The following PARD3B variants were observed in gnomAD, a reference collection of about 807,000 sequenced individuals.
PARD3B encodes the protein partitioning defective 3 homolog B.
Under a neutral mutation model 130.2 loss-of-function variants are expected in PARD3B, and 103 were observed. The observed-to-expected ratio is 0.79, with a 90% CI of 0.67 to 0.93. The LOEUF (loss-of-function observed/expected upper bound fraction) is 0.93, where lower values mean the gene tolerates loss of function less well. PARD3B is among the 40% of genes least tolerant of loss of function. The pLI is 0.00. For synonymous variants in PARD3B, 583 were observed against 553.2 expected, an observed-to-expected ratio of 1.05 and a Z score of -0.76; for missense variants, 1,609 against 1,499.2, an observed-to-expected ratio of 1.07 and a Z score of -1.21.
intron 16 of PARD3B, among the ~76,000 whole-genome samples, chr2:205,270,295 A>G (rs892830633): frequency 8.5e-5 from 13 of 152,136 alleles, no homozygotes; most frequent in African/African-American, 3.1e-4. Flanking sequence ...GTGGCTGGGC[A>G]TGGTGGCTCA....
At chr2:204,655,957 T>C (rs2035624795) in intron 1 of PARD3B, among the ~76,000 whole-genome samples, 1 of 152,084 alleles carries the variant, frequency 6.6e-6, no homozygotes, top group Non-Finnish European at 1.5e-5. Flanking sequence ...TGGTTTAGAA[T>C]AGATGCAGCT....
chr2:204,822,081 C>G (rs2043383211), intron 2 of PARD3B, among the ~76,000 whole-genome samples: 1 of 152,306 alleles, frequency 6.6e-6, no homozygotes, highest in Middle Eastern at 3.4e-3. Context: ...GGAAAGGATT[C>G]ACCATTCTAG....
At chr2:205,212,021 T>C (rs1324372282) in intron 15 of PARD3B, among the ~76,000 whole-genome samples, 1 of 152,136 alleles carries the variant, frequency 6.6e-6, no homozygotes, top group African/African-American at 2.4e-5. Context: ...AATTTTTTTA[T>C]TTTCAGCTTT....
At chr2:205,359,648 G>C (rs2044317933) in intron 18 of PARD3B, among the ~76,000 whole-genome samples, 1 of 152,192 alleles carries the variant, frequency 6.6e-6, no homozygotes, top group African/African-American at 2.4e-5. Flanking sequence ...GTAGATATAT[G>C]TAATTCACAG....
At chr2:205,519,112 C>CTGAGT (rs1332519685) in intron 21 of PARD3B, among the ~76,000 whole-genome samples, 1 of 152,124 alleles carries the variant, frequency 6.6e-6, no homozygotes, top group Non-Finnish European at 1.5e-5. Flanking sequence ...TCTGTATTTC[C>CTGAGT]TGAGTTTGAC....
chr2:205,004,471 C>G (rs1316660040), intron 3 of PARD3B, among the ~76,000 whole-genome samples: 2 of 152,092 alleles, frequency 1.3e-5, no homozygotes, highest in African/African-American at 4.8e-5. Context: ...CAGTAGTTAC[C>G]TTTCATAAAA....
At chr2:204,913,980 G>A (rs765587236) in intron 2 of PARD3B, among the ~76,000 whole-genome samples, 1 of 152,204 alleles carries the variant, frequency 6.6e-6, no homozygotes, top group Non-Finnish European at 1.5e-5. Flanking sequence ...TAGCTTTTGC[G>A]TGTGTGCCCT....
intron 1 of PARD3B, among the ~76,000 whole-genome samples, chr2:204,591,519 A>T (rs2033073030): frequency 6.6e-6 from 1 of 152,206 alleles, no homozygotes; most frequent in Non-Finnish European, 1.5e-5. Context: ...TTCTGGACTG[A>T]AATGAAACCT....
intron 18 of PARD3B, among the ~76,000 whole-genome samples, chr2:205,383,153 A>G (rs575260115): frequency 1.9e-5 from 1 of 53,754 alleles, no homozygotes; most frequent in East Asian, 1.0e-3. Context: ...GATCTAAACT[A>G]TGTCTACACA....
intron 2 of PARD3B, among the ~76,000 whole-genome samples, chr2:204,931,281 T>A (rs1688012037): frequency 1.3e-5 from 2 of 152,114 alleles, no homozygotes; most frequent in Admixed American, 1.3e-4. Context: ...TTCAGTTTCC[T>A]TGTTTGTGAA....
At chr2:205,223,666 C>A (rs938195343) in intron 15 of PARD3B, among the ~76,000 whole-genome samples, 19 of 152,128 alleles carry the variant, frequency 1.2e-4, no homozygotes, top group African/African-American at 4.6e-4. Flanking sequence ...CTTGCCTGTT[C>A]TCAGCAATGA....
chr2:205,212,447 A>C (rs1340660829), intron 15 of PARD3B, among the ~76,000 whole-genome samples: 1 of 152,110 alleles, frequency 6.6e-6, no homozygotes, highest in Non-Finnish European at 1.5e-5. Context: ...TCCTTAGCAA[A>C]GAAGATGTGA....
At chr2:204,636,054 T>C (rs1322927544) in intron 1 of PARD3B, among the ~76,000 whole-genome samples, 2 of 152,126 alleles carry the variant, frequency 1.3e-5, no homozygotes, top group Non-Finnish European at 2.9e-5. Context: ...TGAATACTCT[T>C]TGGCTTAAAT....
At chr2:204,636,454 GT>G (rs2034879001) in intron 1 of PARD3B, among the ~76,000 whole-genome samples, 1 of 7,256 alleles carries the variant, frequency 1.4e-4, no homozygotes, top group Non-Finnish European at 9.2e-4. Flanking sequence ...GGTCAGGTGA[GT>G]GTGTGTGTGT....
At chr2:205,512,834 C>G (rs956764635) in intron 21 of PARD3B, among the ~76,000 whole-genome samples, 1 of 151,992 alleles carries the variant, frequency 6.6e-6, no homozygotes, top group Non-Finnish European at 1.5e-5. Context: ...ACCTTCTGGC[C>G]CACTCTATAG....
chr2:204,973,848 A>T (rs1470339013), intron 3 of PARD3B, among the ~76,000 whole-genome samples: 1 of 152,230 alleles, frequency 6.6e-6, no homozygotes, highest in African/African-American at 2.4e-5. Context: ...CCCCAAAGTG[A>T]TAAGGAAAGG....
intron 2 of PARD3B, among the ~76,000 whole-genome samples, chr2:204,915,276 T>C (rs1252496400): frequency 6.6e-6 from 1 of 152,178 alleles, no homozygotes; most frequent in Admixed American, 6.5e-5. Flanking sequence ...GCCTGCGCTA[T>C]ACTTAATAAA....
At chr2:204,565,879 C>T (rs138725096) in intron 1 of PARD3B, among the ~76,000 whole-genome samples, 1,613 of 152,258 alleles carry the variant, frequency 0.011, 10 homozygotes, top group Admixed American at 0.02. Flanking sequence ...CTTCAGTATG[C>T]GGCAGAATGC....
chr2:205,166,834 G>A (rs1453709805), intron 11 of PARD3B, among the ~76,000 whole-genome samples: 3 of 152,118 alleles, frequency 2.0e-5, no homozygotes, highest in Non-Finnish European at 4.4e-5. Context: ...TCAAGCTTTG[G>A]GGTTTGGGAC....
Sources: allele counts gnomAD v4.1 joint callset (sites outside exome capture counted in the v4.1 genomes callset), GRCh38; gene constraint gnomAD v4.1.1; transcripts MANE v1.5; gene names NCBI Gene and HGNC (gene_info 2026-07-23, HGNC 2026-07-21).